Variants in CTNND2 observed in about 807,000 individuals in gnomAD.
CTNND2 encodes catenin delta-2.
A neutral mutation model predicts 144.4 loss-of-function variants in CTNND2; 22 were observed. The ratio of observed to expected loss-of-function variants is 0.15; its 90% CI spans 0.11 to 0.22. The LOEUF is 0.22. Among genes scored for constraint, CTNND2 ranks in the 10% least tolerant of loss-of-function variants. The pLI is 1.00. For missense variants in CTNND2, 1,353 were observed against 1,618.8 expected (o/e 0.84, Z 2.82); for synonymous variants, 751 against 695.6 (o/e 1.08, Z -1.25).
At chr5:10,976,619 T>C (rs999697273) in intron 21 of CTNND2, among the ~76,000 whole-genome samples, 1 of 152,260 alleles carries the variant, frequency 6.6e-6, no homozygotes, top group Non-Finnish European at 1.5e-5. Context: ...CCATGGCTTC[T>C]GTTTCTACCA....
intron 2 of CTNND2, among the ~76,000 whole-genome samples, chr5:11,714,697 G>C (rs569946789): frequency 6.4e-4 from 97 of 152,118 alleles, no homozygotes; most frequent in Admixed American, 1.3e-3. Context: ...AAGAGGTCAG[G>C]AGATCGAGAC....
At chr5:11,867,411 A>C (rs1359458420) in intron 1 of CTNND2, among the ~76,000 whole-genome samples, 1 of 152,224 alleles carries the variant, frequency 6.6e-6, no homozygotes, top group African/African-American at 2.4e-5. Context: ...AGATTATTAT[A>C]ATCAGCCAAT....
chr5:11,568,897 T>C (rs1204348236), intron 2 of CTNND2, among the ~76,000 whole-genome samples: 1 of 152,188 alleles, frequency 6.6e-6, no homozygotes, highest in Non-Finnish European at 1.5e-5. Context: ...TAGAACTATG[T>C]GAATATATTT....
chr5:11,758,700 T>C (rs560945606), intron 1 of CTNND2, among the ~76,000 whole-genome samples: 107 of 152,174 alleles, frequency 7.0e-4, no homozygotes, highest in African/African-American at 2.2e-3. Context: ...CAGGTTTAAA[T>C]TATCATATTC....
intron 6 of CTNND2, among the ~76,000 whole-genome samples, chr5:11,388,322 T>C (rs1303713939): frequency 6.6e-6 from 1 of 152,196 alleles, no homozygotes; most frequent in Non-Finnish European, 1.5e-5. Flanking sequence ...TTCTACAACG[T>C]AGAGAATGTT....
Position 11,231,853 on chromosome 5 carries a change from C to A in CTNND2, c.1761+4838G>T, listed in dbSNP as rs902150511. Among the ~76,000 whole-genome samples the A allele has an allele frequency of 2.1e-4, 32 of 152,306 alleles. 1 individual carries two copies. The highest frequency in any genetic ancestry group is 1.8e-4 in the Non-Finnish European group (12 of 68,030). ...TCCCCTCCCTTCACAGGCATGGAGG[C>A]CTGTGGGAGGGAAAAATGGTTTTGT... On this transcript the variant is annotated intron_variant, in intron 10 of 21. Transcript: ENST00000304623.
chr5:11,296,535 T>C (rs1377771856), intron 9 of CTNND2, among the ~76,000 whole-genome samples: 2 of 152,174 alleles, frequency 1.3e-5, no homozygotes, highest in Non-Finnish European at 2.9e-5. Flanking sequence ...CATGCACACG[T>C]ATGTTTACTG....
chr5:10,979,785 CACAA>C (rs1414526828), intron 21 of CTNND2, among the ~76,000 whole-genome samples: 6 of 152,142 alleles, frequency 3.9e-5, no homozygotes, highest in Admixed American at 1.3e-4. Flanking sequence ...ACAAACCTGA[CACAA>C]ACAAGCAATG....
chr5:11,177,449 T>C (rs755439496), intron 11 of CTNND2, among the ~76,000 whole-genome samples: 1 of 152,138 alleles, frequency 6.6e-6, no homozygotes, highest in Non-Finnish European at 1.5e-5. Context: ...AAAAAACAGC[T>C]AAAAAATTAT....
intron 2 of CTNND2, among the ~76,000 whole-genome samples, chr5:11,670,883 C>T (rs1012028629): frequency 8.3e-4 from 127 of 152,238 alleles, no homozygotes; most frequent in African/African-American, 2.9e-3. Flanking sequence ...ATGGTCTTTA[C>T]AATTTGGTAT....
chr5:11,131,800 CA>C (rs1755638304), intron 12 of CTNND2, among the ~76,000 whole-genome samples: 1 of 151,116 alleles, frequency 6.6e-6, no homozygotes, highest in African/African-American at 2.4e-5. Flanking sequence ...AAAAAAAAAA[CA>C]AAAAACTTCC....
intron 2 of CTNND2, among the ~76,000 whole-genome samples, chr5:11,625,389 A>ATCTCTCTCTCTCTCTCTCTC (rs57148533): frequency 3.6e-4 from 51 of 140,484 alleles, no homozygotes; most frequent in African/African-American, 1.3e-3. Flanking sequence ...AAACAGAAAA[A>ATCTCTCTCTCTCTCTCTCTC]TCTCTCTCTC....
intron 2 of CTNND2, among the ~76,000 whole-genome samples, chr5:11,653,101 GT>G (rs1782730431): frequency 9.0e-6 from 1 of 111,720 alleles, no homozygotes; most frequent in African/African-American, 2.6e-5. Context: ...GTGTGTGTGT[GT>G]GTGTGTGTGT....
chr5:11,815,837 C>T (rs926119468), intron 1 of CTNND2, among the ~76,000 whole-genome samples: 8 of 152,306 alleles, frequency 5.3e-5, no homozygotes, highest in African/African-American at 1.9e-4. Context: ...CAGACACCCC[C>T]AAGACTTGCT....
chr5:11,799,722 A>G (rs1412461671), intron 1 of CTNND2, among the ~76,000 whole-genome samples: 1 of 152,216 alleles, frequency 6.6e-6, no homozygotes, highest in African/African-American at 2.4e-5. Context: ...ATATTTTGAA[A>G]CATAATGAAA....
chr5:11,676,836 T>A (rs543103743), intron 2 of CTNND2, among the ~76,000 whole-genome samples: 3 of 152,238 alleles, frequency 2.0e-5, no homozygotes, highest in African/African-American at 7.2e-5. Flanking sequence ...ACATTTCTTA[T>A]GAAATCTATG....
chr5:11,571,528 G>T (rs914517081), intron 2 of CTNND2, among the ~76,000 whole-genome samples: 32 of 152,144 alleles, frequency 2.1e-4, no homozygotes, highest in African/African-American at 7.5e-4. Flanking sequence ...TGCGTCAAGA[G>T]AATTAATTTC....
intron 9 of CTNND2, 107 bp from the exon 10 acceptor site, chr5:11,236,930 T>C (rs888873123): frequency 8.3e-7 from 1 of 1,210,674 alleles, no homozygotes; most frequent in African/African-American, 1.5e-5. Flanking sequence ...AAAGAAAATA[T>C]TTCATAAATG....
intron 1 of CTNND2, among the ~76,000 whole-genome samples, chr5:11,773,959 A>T (rs1448022224): frequency 1.3e-5 from 2 of 152,156 alleles, no homozygotes; most frequent in African/African-American, 4.8e-5. Context: ...TAATATCTGC[A>T]CTTCCTGTTC....
Sources: allele counts gnomAD v4.1 joint callset (sites outside exome capture counted in the v4.1 genomes callset), GRCh38; gene constraint gnomAD v4.1.1; transcripts MANE v1.5; gene names NCBI Gene and HGNC (gene_info 2026-07-23, HGNC 2026-07-21).